Variants in FILIP1L observed in about 807,000 individuals in gnomAD.
FILIP1L encodes filamin A-interacting protein 1-like.
Under a neutral mutation model 96.6 loss-of-function variants are expected in FILIP1L, and 55 were observed. The observed-to-expected ratio is 0.57, with a 90% CI of 0.46 to 0.71. FILIP1L has a LOEUF of 0.71. FILIP1L is among the 30% of genes least tolerant of loss of function. FILIP1L has a pLI of 0.00. For missense variants in FILIP1L, 1,304 were observed against 1,321.2 expected (o/e 0.99, Z 0.20); for synonymous variants, 467 against 473.9 (o/e 0.99, Z 0.19).
At chr3:100,085,624 C>T (rs1483809362) in intron 1 of FILIP1L, among the ~76,000 whole-genome samples, 2 of 152,174 alleles carry the variant, frequency 1.3e-5, no homozygotes, top group East Asian at 3.9e-4. Context: ...CATCCTCAAG[C>T]TTACAGGCTT....
intron 4 of FILIP1L, among the ~76,000 whole-genome samples, chr3:99,886,656 A>T (rs955033217): frequency 3.3e-5 from 5 of 152,186 alleles, no homozygotes; most frequent in Non-Finnish European, 1.5e-5. Context: ...AGAATATTTT[A>T]AAAATATCAG....
chr3:99,873,019 A>G (rs964119003), intron 4 of FILIP1L, among the ~76,000 whole-genome samples: 1 of 152,114 alleles, frequency 6.6e-6, no homozygotes, highest in Admixed American at 6.5e-5. Flanking sequence ...CAAAACATGA[A>G]TGTCCTACCT....
intron 4 of FILIP1L, among the ~76,000 whole-genome samples, chr3:99,869,239 G>C (rs1226843780): frequency 6.6e-6 from 1 of 152,140 alleles, no homozygotes; most frequent in Non-Finnish European, 1.5e-5. Flanking sequence ...ATTGGCCAGA[G>C]AATCTTAACT....
intron 1 of FILIP1L, among the ~76,000 whole-genome samples, chr3:100,074,260 C>G (rs1024284804): frequency 1.3e-5 from 2 of 152,330 alleles, no homozygotes; most frequent in African/African-American, 4.8e-5. Flanking sequence ...GAGAGCTCTT[C>G]GCTGCTTTCC....
intron 1 of FILIP1L, among the ~76,000 whole-genome samples, chr3:99,970,903 G>A (rs1708794326): frequency 6.6e-6 from 1 of 152,250 alleles, no homozygotes; most frequent in Non-Finnish European, 1.5e-5. Context: ...ACTAGAGGTG[G>A]GAAGATGGGT....
intron 1 of FILIP1L, among the ~76,000 whole-genome samples, chr3:100,062,348 C>CT (rs1421644308): frequency 6.6e-6 from 1 of 151,734 alleles, no homozygotes; most frequent in Non-Finnish European, 1.5e-5. Context: ...CCTGACCTCG[C>CT]GATCCACCCG....
At chr3:99,947,085 C>G (rs185830768) in intron 1 of FILIP1L, among the ~76,000 whole-genome samples, 2 of 135,212 alleles carry the variant, frequency 1.5e-5, no homozygotes, top group East Asian at 4.4e-4. Context: ...TTGCAATGAG[C>G]TGAGATTGTG....
intron 1 of FILIP1L, among the ~76,000 whole-genome samples, chr3:99,948,784 AAAG>A (rs1559699983): frequency 6.6e-6 from 1 of 152,068 alleles, no homozygotes; most frequent in Non-Finnish European, 1.5e-5. Flanking sequence ...AAGAGAAAGG[AAAG>A]AAAAAGAGAA....
intron 1 of FILIP1L, among the ~76,000 whole-genome samples, chr3:99,931,761 A>G (rs1707489900): frequency 1.3e-5 from 2 of 152,358 alleles, no homozygotes; most frequent in South Asian, 2.1e-4. Flanking sequence ...TGGAAACAAT[A>G]TAAAATAAAT....
At chr3:99,855,644 T>C (rs768374942) in intron 4 of FILIP1L, among the ~76,000 whole-genome samples, 1 of 152,214 alleles carries the variant, frequency 6.6e-6, no homozygotes, top group Non-Finnish European at 1.5e-5. Context: ...TCAAGAACAC[T>C]CTGAATGGAG....
At chr3:100,003,585 C>T (rs78665059) in intron 1 of FILIP1L, among the ~76,000 whole-genome samples, 3,125 of 152,226 alleles carry the variant, frequency 0.021, 50 homozygotes, top group Non-Finnish European at 0.035. Flanking sequence ...GAATCTCAGT[C>T]CCTTGACACT....
intron 1 of FILIP1L, among the ~76,000 whole-genome samples, chr3:99,977,368 T>C (rs938845436): frequency 2.6e-5 from 4 of 151,676 alleles, no homozygotes; most frequent in African/African-American, 9.7e-5. Flanking sequence ...ATTAGGAGAA[T>C]AGAGAGATCT....
chr3:100,072,862 C>CGA (rs1178599107), intron 1 of FILIP1L, among the ~76,000 whole-genome samples: 1 of 152,220 alleles, frequency 6.6e-6, no homozygotes, highest in Admixed American at 6.5e-5. Flanking sequence ...CCCCCATAAA[C>CGA]TACCTACCCA....
intron 1 of FILIP1L, among the ~76,000 whole-genome samples, chr3:100,000,411 GT>G (rs1709808478): frequency 6.6e-6 from 1 of 152,194 alleles, no homozygotes; most frequent in Non-Finnish European, 1.5e-5. Context: ...GGCAGCTGCT[GT>G]TGTGTGAATG....
At chr3:100,007,837 G>A (rs973402989) in intron 1 of FILIP1L, among the ~76,000 whole-genome samples, 2 of 152,192 alleles carry the variant, frequency 1.3e-5, no homozygotes, top group Middle Eastern at 3.2e-3. Flanking sequence ...CACTGAGGGA[G>A]TACAGACAGG....
chr3:100,000,391 T>A (rs966411724), intron 1 of FILIP1L, among the ~76,000 whole-genome samples: 1 of 152,234 alleles, frequency 6.6e-6, no homozygotes, highest in Non-Finnish European at 1.5e-5. Context: ...AGGAATATCA[T>A]ATATTTATTG....
At chr3:100,028,818 A>G (rs957003677) in intron 1 of FILIP1L, among the ~76,000 whole-genome samples, 8 of 152,188 alleles carry the variant, frequency 5.3e-5, no homozygotes, top group African/African-American at 1.7e-4. Context: ...CACCAACTGT[A>G]CTAGACTCCA....
At chr3:99,979,126 G>A (rs1270785721) in intron 1 of FILIP1L, among the ~76,000 whole-genome samples, 2 of 152,136 alleles carry the variant, frequency 1.3e-5, no homozygotes, top group Non-Finnish European at 2.9e-5. Context: ...AATGATAAAT[G>A]TTTGAGGTGA....
chr3:99,911,143 A>T (rs1706774089), intron 4 of FILIP1L, among the ~76,000 whole-genome samples: 1 of 152,052 alleles, frequency 6.6e-6, no homozygotes, highest in African/African-American at 2.4e-5. Flanking sequence ...TTAGGATGAA[A>T]TGAGATTTAT....
Sources: allele counts gnomAD v4.1 joint callset (sites outside exome capture counted in the v4.1 genomes callset), GRCh38; gene constraint gnomAD v4.1.1; transcripts MANE v1.5; gene names NCBI Gene and HGNC (gene_info 2026-07-23, HGNC 2026-07-21).